The following CDK8 variants were observed in gnomAD, a reference collection of about 807,000 sequenced individuals.
CDK8 encodes the protein cyclin dependent kinase 8.
Under a neutral mutation model 71.5 loss-of-function variants are expected in CDK8, and 29 were observed. That is an observed-to-expected ratio of 0.41 (90% CI 0.30 to 0.55). CDK8 has a LOEUF of 0.55. CDK8 is among the 20% of genes least tolerant of loss of function. The pLI, the probability that CDK8 is intolerant of heterozygous loss-of-function variation, is 0.37. For missense variants in CDK8, 288 were observed against 572.6 expected (o/e 0.50, Z 5.07); for synonymous variants, 161 against 192.1 (o/e 0.84, Z 1.34).
At chr13:26,343,408 A>G (rs986457084) in intron 2 of CDK8, among the ~76,000 whole-genome samples, 4 of 152,232 alleles carry the variant, frequency 2.6e-5, no homozygotes, top group Non-Finnish European at 5.9e-5. Context: ...CAGTAAAAAT[A>G]CGGAATAAAT....
intron 1 of CDK8, among the ~76,000 whole-genome samples, chr13:26,264,259 G>T (rs9319286): frequency 0.11 from 16,347 of 151,772 alleles, 2,589 homozygotes; most frequent in African/African-American, 0.35. Flanking sequence ...GCCTTTAGCT[G>T]CCGTTCTTTT....
At chr13:26,363,170 AT>A (rs1458986067) in intron 4 of CDK8, among the ~76,000 whole-genome samples, 3 of 150,338 alleles carry the variant, frequency 2.0e-5, no homozygotes. Flanking sequence ...AAAAAAAAAA[AT>A]GGAAAAATTA....
chr13:26,323,754 C>T (rs372147323), intron 1 of CDK8, among the ~76,000 whole-genome samples: 4 of 152,180 alleles, frequency 2.6e-5, no homozygotes, highest in African/African-American at 9.6e-5. Flanking sequence ...TTTCTACTCA[C>T]GTATATGCAC....
chr13:26,330,254 G>A (rs1875248052), intron 1 of CDK8, among the ~76,000 whole-genome samples: 1 of 152,076 alleles, frequency 6.6e-6, no homozygotes, highest in Admixed American at 6.5e-5. Flanking sequence ...CGCCTAGGCT[G>A]GAGTGCAGTG....
In CDK8 at chr13:26,404,165, A is replaced by G; in HGVS notation, c.*84A>G. ...TCTCTGCGGGAACCTGGTATGGGCC[A>G]TGAGAATGTACTGTACAACCACATC... On this transcript the variant is annotated 3_prime_UTR_variant, in exon 13 of 13. Coordinates refer to ENST00000381527, the MANE Select transcript of CDK8 (RefSeq NM_001260.3). 1.3e-6 allele frequency: 2 copies of G among 1,488,884 alleles called. No homozygotes were observed. Among genetic ancestry groups the G allele is most frequent in the Non-Finnish European group, 1.8e-6 (2 of 1,088,058 alleles). 92.2% of individuals were successfully genotyped at this position (1,488,884 alleles called of 1,614,324 possible).
At chr13:26,294,300 A>G (rs1379007423) in intron 1 of CDK8, among the ~76,000 whole-genome samples, 1 of 151,840 alleles carries the variant, frequency 6.6e-6, no homozygotes, top group African/African-American at 2.4e-5. Flanking sequence ...CCTGCTCTAC[A>G]CACTATATTT....
chr13:26,275,693 AC>A (rs1872534914), intron 1 of CDK8, among the ~76,000 whole-genome samples: 1 of 152,352 alleles, frequency 6.6e-6, no homozygotes, highest in East Asian at 1.9e-4. Context: ...ATCCTCATTA[AC>A]CCACCATGTA....
At chr13:26,332,484 A>G (rs992912549) in intron 1 of CDK8, among the ~76,000 whole-genome samples, 52 of 51,196 alleles carry the variant, frequency 1.0e-3, no homozygotes, top group African/African-American at 1.9e-3. Flanking sequence ...GACTCCATAT[A>G]ATACATATAT....
intron 1 of CDK8, among the ~76,000 whole-genome samples, chr13:26,257,894 T>TTGTGTG (rs34745022): frequency 6.5e-4 from 97 of 148,726 alleles, no homozygotes; most frequent in African/African-American, 2.0e-3. Flanking sequence ...GAGTGTGTGT[T>TTGTGTG]TGTGTGTGTG....
chr13:26,268,685 G>A (rs770721802), intron 1 of CDK8, among the ~76,000 whole-genome samples: 2 of 152,018 alleles, frequency 1.3e-5, no homozygotes, highest in Non-Finnish European at 2.9e-5. Flanking sequence ...GAGCCATATA[G>A]GTATTTAAAA....
chr13:26,270,248 G>T lies in CDK8; in HGVS notation c.128+15479G>T, dbSNP rs556389581. 1.3e-3 allele frequency among the ~76,000 whole-genome samples: 202 copies of T among 152,072 alleles called. 1 individual carries two copies. Among genetic ancestry groups the T allele is most frequent in the African/African-American group, 4.7e-3 (196 of 41,484 alleles). ...TACTAAAAATACGAAAATTAGCTGG[G>T]TGTGGTGGCAGGTGCCTGTAATCCT... On this transcript the variant is annotated intron_variant, in intron 1 of 12. Coordinates refer to ENST00000381527, the MANE Select transcript of CDK8 (RefSeq NM_001260.3).
At position 26,398,236 on chromosome 13, in the gene CDK8, A is replaced by T. The variant is rs1202158069; in HGVS notation, c.933+1011A>T. On this transcript the variant is annotated intron_variant, in intron 9 of 12. Transcript: ENST00000381527. ...TATATTATCCAGATAATGGTTTATT[A>T]TAATGTACTTACAGTAGGACCCAAA... Among the ~76,000 whole-genome samples, 3 of 152,212 alleles carry T rather than the reference A, an allele frequency of 2.0e-5. No homozygotes were observed. In the East Asian group the frequency reaches 5.8e-4, roughly 29 times the overall value.
In CDK8 at chr13:26,329,444, C is replaced by T. The variant is rs17083814; in HGVS notation, c.129-8123C>T. ...CTTTTGAGACAGGTGCCATAAAATA[C>T]CCCCATCTTACCTTGCCTATTTCTG... On this transcript the variant is annotated intron_variant, in intron 1 of 12. Coordinates refer to ENST00000381527, the MANE Select transcript of CDK8 (RefSeq NM_001260.3). Among the ~76,000 whole-genome samples the T allele has an allele frequency of 2.1e-3, 8 of 3,726 alleles. No individual in the cohort carries two copies. In the South Asian group the frequency reaches 0.13, roughly 62 times the overall value. 2.4% of individuals were successfully genotyped at this position (3,726 alleles called of 152,430 possible).
At chr13:26,342,377 C>T (rs1011322770) in intron 2 of CDK8, among the ~76,000 whole-genome samples, 1 of 152,208 alleles carries the variant, frequency 6.6e-6, no homozygotes, top group African/African-American at 2.4e-5. Context: ...ATCACAGCGT[C>T]AAACACACAG....
intron 1 of CDK8, among the ~76,000 whole-genome samples, chr13:26,300,131 A>G (rs1873759767): frequency 6.6e-6 from 1 of 152,186 alleles, no homozygotes; most frequent in Admixed American, 6.5e-5. Context: ...TAATCTGCCC[A>G]GAGTAAGAGG....
intron 1 of CDK8, among the ~76,000 whole-genome samples, chr13:26,330,494 C>A (rs1875263692): frequency 6.6e-6 from 1 of 152,180 alleles, no homozygotes; most frequent in African/African-American, 2.4e-5. Context: ...CGTGAGCTAC[C>A]ACGCCCGGCT....
At chr13:26,260,121 C>T (rs1487804413) in intron 1 of CDK8, among the ~76,000 whole-genome samples, 3 of 151,822 alleles carry the variant, frequency 2.0e-5, no homozygotes, top group African/African-American at 7.3e-5. Flanking sequence ...TTCTGCAGAC[C>T]CCAGCAAATT....
At chr13:26,306,417 A>G (rs1351592335) in intron 1 of CDK8, among the ~76,000 whole-genome samples, 1 of 152,162 alleles carries the variant, frequency 6.6e-6, no homozygotes, top group Non-Finnish European at 1.5e-5. Flanking sequence ...TAGCATATAG[A>G]TTAATTTTAT....
At chr13:26,376,244 G>T (rs750695201) in intron 4 of CDK8, among the ~76,000 whole-genome samples, 3 of 151,310 alleles carry the variant, frequency 2.0e-5, no homozygotes, top group Non-Finnish European at 4.4e-5. Flanking sequence ...AATAATGAAA[G>T]AAAGGAACTA....
Sources: allele counts gnomAD v4.1 joint callset (sites outside exome capture counted in the v4.1 genomes callset), GRCh38; gene constraint gnomAD v4.1.1; transcripts MANE v1.5; gene names NCBI Gene and HGNC (gene_info 2026-07-23, HGNC 2026-07-21).